ZMYM2: variants seen among roughly 807,000 people sequenced by gnomAD.
ZMYM2 encodes the protein zinc finger MYM-type protein 2.
Under a neutral mutation model 162.8 loss-of-function variants are expected in ZMYM2, and 56 were observed. The observed-to-expected ratio is 0.34, with a 90% confidence interval of 0.28 to 0.43. The LOEUF (loss-of-function observed/expected upper bound fraction) is 0.43. ZMYM2 is among the 20% of genes least tolerant of loss of function. The pLI is 1.00. For synonymous variants in ZMYM2, 510 were observed against 541.6 expected (o/e 0.94, Z 0.81); for missense variants, 1,275 against 1,621.8 (o/e 0.79, Z 3.67).
At chr13:20,073,336 T>C (rs929419715) in intron 21 of ZMYM2, among the ~76,000 whole-genome samples, 1 of 152,244 alleles carries the variant, frequency 6.6e-6, no homozygotes, top group Non-Finnish European at 1.5e-5. Context: ...TACTTATATA[T>C]AACTGCTTTA....
chr13:19,885,954 C>CATATATATGTGT, the ZMYM2 span, among the ~76,000 whole-genome samples: 1 of 78,576 alleles, frequency 1.3e-5, no homozygotes, highest in African/African-American at 4.6e-5. Flanking sequence ...TGTATATACA[C>CATATATATGTGT]ATATATATGT....
intron 18 of ZMYM2, among the ~76,000 whole-genome samples, chr13:20,063,830 AT>A (rs1956428267): frequency 8.4e-5 from 1 of 11,918 alleles, no homozygotes; most frequent in Non-Finnish European, 4.1e-4. Context: ...CATAAATATA[AT>A]TTTATATATT....
At chr13:19,998,913 TA>T (rs923311742) in intron 3 of ZMYM2, among the ~76,000 whole-genome samples, 7 of 152,096 alleles carry the variant, frequency 4.6e-5, no homozygotes, top group Non-Finnish European at 8.8e-5. Flanking sequence ...ACGGAGAAAC[TA>T]GAAAGGAAAA....
chr13:20,010,450 G>A lies in ZMYM2; in HGVS notation c.1512+3864G>A, dbSNP rs1016783107. Among the ~76,000 whole-genome samples, 3 of 152,084 alleles carry A rather than the reference G, an allele frequency of 2.0e-5. No homozygotes were observed. The East Asian group carries it at 5.8e-4, about 29-fold the overall frequency. On this transcript the variant is annotated intron_variant, in intron 6 of 24. Coordinates refer to ENST00000610343, the MANE Select transcript of ZMYM2 (RefSeq NM_197968.4). ...ACTCCTAAGCTCAAGCCATCTGCCT[G>A]CCTTGGCCTTCCAAAGTGCTAGGAT... is the stretch of plus-strand genomic sequence containing the variant.
intron 21 of ZMYM2, among the ~76,000 whole-genome samples, chr13:20,081,518 C>T (rs1278689629): frequency 4.6e-5 from 7 of 151,930 alleles, no homozygotes; most frequent in African/African-American, 1.5e-4. Flanking sequence ...AAGAAAAAAG[C>T]GTTAGCCTGA....
the ZMYM2 span, among the ~76,000 whole-genome samples, chr13:19,891,688 G>C: frequency 6.6e-6 from 1 of 151,346 alleles, no homozygotes; most frequent in Admixed American, 6.6e-5. Flanking sequence ...TGAGGTGGAG[G>C]TTCACTTGAG....
Position 20,086,049 on chromosome 13 carries a change from G to C in ZMYM2, c.*35G>C. 1 of 1,585,326 alleles carries C rather than the reference G, an allele frequency of 6.3e-7. No individual in the cohort carries two copies. Among genetic ancestry groups the C allele is most frequent in the Non-Finnish European group, 8.6e-7 (1 of 1,161,218 alleles). On this transcript the variant is annotated 3_prime_UTR_variant, in exon 25 of 25. Transcript: ENST00000610343. Reference sequence around the variant, plus strand: ...TTGCAGAAGCAATCGGGATAAAACAGCATTAGATAGTCATGCTGCTAGATC... The same window carrying C: ...TTGCAGAAGCAATCGGGATAAAACACCATTAGATAGTCATGCTGCTAGATC...
chr13:19,872,998 C>T, the ZMYM2 span, among the ~76,000 whole-genome samples: 1,836 of 74,288 alleles, frequency 0.025, 39 homozygotes, highest in African/African-American at 0.049. Flanking sequence ...AGACTCTACC[C>T]CAAAAAAAAA....
intron 10 of ZMYM2, among the ~76,000 whole-genome samples, chr13:20,033,198 T>C (rs997233152): frequency 6.6e-6 from 1 of 151,960 alleles, no homozygotes; most frequent in African/African-American, 2.4e-5. Context: ...ATATAGAAAA[T>C]GAAGATCCTG....
chr13:20,038,898 C>G (rs1420379955), intron 12 of ZMYM2, among the ~76,000 whole-genome samples: 2 of 150,270 alleles, frequency 1.3e-5, no homozygotes, highest in Non-Finnish European at 3.0e-5. Flanking sequence ...GATATTGATT[C>G]TTTTTATCCA....
At chr13:20,034,140 C>A in intron 10 of ZMYM2, 114 bp from the exon 11 acceptor site, 2 of 968,302 alleles carry the variant, frequency 2.1e-6, no homozygotes, top group Non-Finnish European at 2.8e-6. Flanking sequence ...AATCTATCCC[C>A]AAGGGTCTTA....
the ZMYM2 span, among the ~76,000 whole-genome samples, chr13:19,912,292 G>GTTTTTTTTTTTTTTTTTTTTTGTT: frequency 1.3e-5 from 1 of 75,714 alleles, no homozygotes; most frequent in African/African-American, 5.2e-5. Context: ...TGTTTTTTGG[G>GTTTTTTTTTTTTTTTTTTTTTGTT]TTTTTTTTTT....
intron 2 of ZMYM2, among the ~76,000 whole-genome samples, chr13:19,965,914 G>C (rs1384738622): frequency 6.6e-6 from 1 of 150,504 alleles, no homozygotes; most frequent in African/African-American, 2.4e-5. Context: ...TGTGTAGCTG[G>C]GATTACAAGT....
the ZMYM2 span, among the ~76,000 whole-genome samples, chr13:19,877,909 G>A: frequency 2.4e-3 from 371 of 152,174 alleles, 2 homozygotes; most frequent in African/African-American, 6.7e-3. Flanking sequence ...TATATACACC[G>A]AAGTGAAATC....
the ZMYM2 span, among the ~76,000 whole-genome samples, chr13:19,884,859 T>A: frequency 6.6e-6 from 1 of 151,964 alleles, no homozygotes; most frequent in Non-Finnish European, 1.5e-5. Flanking sequence ...ACATCACAAT[T>A]GCGGGTGCGG....
At chr13:20,014,964 C>T (rs992045180) in intron 6 of ZMYM2, among the ~76,000 whole-genome samples, 6 of 151,872 alleles carry the variant, frequency 4.0e-5, no homozygotes, top group African/African-American at 7.3e-5. Context: ...GGGGTTTCAC[C>T]GTGTTAGACT....
At chr13:20,004,641 A>G (rs1391110741) in intron 4 of ZMYM2, among the ~76,000 whole-genome samples, 1 of 152,110 alleles carries the variant, frequency 6.6e-6, no homozygotes, top group Non-Finnish European at 1.5e-5. Context: ...GTGTGTGGGT[A>G]TATTTAAGTT....
chr13:19,950,987 A>C, the ZMYM2 span, among the ~76,000 whole-genome samples: 5 of 152,238 alleles, frequency 3.3e-5, no homozygotes, highest in Non-Finnish European at 7.3e-5. Flanking sequence ...CAAATTTTGT[A>C]AACTTTCTTA....
In ZMYM2 at chr13:19,983,450, A is replaced by C. The variant is rs879288822; in HGVS notation, c.-10-9613A>C. Among the ~76,000 whole-genome samples the C allele has an allele frequency of 3.3e-5, 5 of 151,902 alleles. 1 individual carries two copies. In the East Asian group the frequency reaches 9.7e-4, roughly 29 times the overall value. On this transcript the variant is annotated intron_variant, in intron 2 of 24. Coordinates refer to ENST00000610343, the MANE Select transcript of ZMYM2 (RefSeq NM_197968.4). ...CATGAGCCACCGTGCCCGGCCTCAC[A>C]TTTTTATATTTCTTCATTTCTTTTT...
Sources: allele counts gnomAD v4.1 joint callset (sites outside exome capture counted in the v4.1 genomes callset), GRCh38; gene constraint gnomAD v4.1.1; transcripts MANE v1.5; gene names NCBI Gene and HGNC (gene_info 2026-07-23, HGNC 2026-07-21).